Variants in GARNL3 observed in about 807,000 individuals in gnomAD.
The protein encoded by GARNL3 is GTPase-activating Rap/Ran-GAP domain-like protein 3.
A neutral mutation model predicts 125.0 loss-of-function variants in GARNL3; 63 were observed. The observed-to-expected ratio is 0.50, with a 90% CI of 0.41 to 0.62. GARNL3 has a LOEUF of 0.62. GARNL3 is among the 20% of genes least tolerant of loss of function. GARNL3 has a pLI of 0.00. For missense variants in GARNL3, 994 were observed against 1,244.0 expected, an observed-to-expected ratio of 0.80 and a Z score of 3.02; for synonymous variants, 439 against 457.5, an observed-to-expected ratio of 0.96 and a Z score of 0.52.
chr9:127,334,434 G>A (rs1364145295), intron 9 of GARNL3, among the ~76,000 whole-genome samples: 1 of 152,138 alleles, frequency 6.6e-6, no homozygotes, highest in Non-Finnish European at 1.5e-5. Flanking sequence ...ATGGCATCAC[G>A]GATTCTGAAT....
At chr9:127,293,156 T>C (rs1027771468) in intron 2 of GARNL3, among the ~76,000 whole-genome samples, 2 of 152,222 alleles carry the variant, frequency 1.3e-5, no homozygotes, top group African/African-American at 4.8e-5. Context: ...ATAAAAGACC[T>C]TGTGGGCACT....
Position 127,264,847 on chromosome 9 carries a change from CA to C in GARNL3, c.-29del. The C allele has an allele frequency of 6.5e-7, 1 of 1,528,602 alleles. No homozygotes were observed. Among genetic ancestry groups the C allele is most frequent in the Admixed American group, 1.9e-5 (1 of 53,734 alleles). The allele number at this position is 1,528,602 out of a possible 1,614,324, so 94.7% of individuals were successfully genotyped here. On this transcript the variant is annotated 5_prime_UTR_variant, in exon 1 of 28. Coordinates refer to ENST00000373387, the MANE Select transcript of GARNL3 (RefSeq NM_032293.5). The stretch of plus-strand genomic sequence containing the variant: ...CCTGCAGTGAGGAGCCGGGGCACTG[CA>C]AGTCTGTTCCATAGCAGCCCTTTTT...
intron 22 of GARNL3, among the ~76,000 whole-genome samples, chr9:127,365,593 G>C (rs1831244880): frequency 6.6e-6 from 1 of 152,168 alleles, no homozygotes; most frequent in South Asian, 2.1e-4. Context: ...GCTATCTCCA[G>C]GATGCGCCAG....
At chr9:127,341,369 T>G (rs1018246232) in intron 13 of GARNL3, among the ~76,000 whole-genome samples, 4 of 152,202 alleles carry the variant, frequency 2.6e-5, no homozygotes, top group African/African-American at 9.6e-5. Flanking sequence ...GTGACACACT[T>G]GAGAGCATGT....
At chr9:127,323,860 G>A (rs922472283) in intron 6 of GARNL3, among the ~76,000 whole-genome samples, 5 of 152,146 alleles carry the variant, frequency 3.3e-5, no homozygotes, top group Non-Finnish European at 7.4e-5. Context: ...GTAAACCATG[G>A]AAAGAGAGAA....
rs147943738 is a variant in GARNL3, at chr9:127,349,033, A to G, written c.1541A>G (p.Asp514Gly). 1.9e-6 allele frequency: 3 copies of G among 1,601,720 alleles called. No homozygotes were observed. The highest frequency in any genetic ancestry group is 2.6e-6 in the Non-Finnish European group (3 of 1,168,764). ...VSTDAGVLLV[D>G]DDLPSVPVFD... Reference sequence around the variant, plus strand: ...ACTGATGCTGGCGTCTTGCTAGTGGATGGTTAGTGAGTAGCTGCTCCTACA... The same window carrying G: ...ACTGATGCTGGCGTCTTGCTAGTGGGTGGTTAGTGAGTAGCTGCTCCTACA... Residue 514 changes from aspartate to glycine, a missense_variant and splice_region_variant, in exon 17 of 28, where the codon GAT becomes GGT. By Grantham distance (94) the Asp-to-Gly change is moderately conservative. Transcript: ENST00000373387.
intron 1 of GARNL3, among the ~76,000 whole-genome samples, chr9:127,231,096 C>T (rs2063006265): frequency 7.7e-6 from 1 of 130,064 alleles, no homozygotes; most frequent in African/African-American, 3.1e-5. Flanking sequence ...GCTTTGTCAC[C>T]CAGGCTGGAG....
chr9:127,320,763 T>C lies in GARNL3; in HGVS notation c.552T>C (p.His184=). 1 of 1,608,814 alleles carries C rather than the reference T, an allele frequency of 6.2e-7. No individual in the cohort carries two copies. Among genetic ancestry groups the C allele is most frequent in the Non-Finnish European group, 8.5e-7 (1 of 1,175,344 alleles). ...AGAAAGGCCCCAGGGAAATTTTTCA[T>C]CCTGAAATACAAAAGGTAACAGAAA... is the stretch of plus-strand genomic sequence containing the variant. ...KFEKGPREIF[H]PEIQKDLLVL... is the part of the protein sequence containing the mutation. The change falls in exon 6 of 28, where the codon CAT becomes CAC. Residue 184 remains histidine, a synonymous_variant. Coordinates refer to ENST00000373387, the MANE Select transcript of GARNL3 (RefSeq NM_032293.5).
At chr9:127,356,796 A>G (rs1165853344) in intron 20 of GARNL3, among the ~76,000 whole-genome samples, 4 of 152,222 alleles carry the variant, frequency 2.6e-5, no homozygotes, top group African/African-American at 9.6e-5. Context: ...CTCATCTGTA[A>G]GACAGAATAG....
intron 4 of GARNL3, among the ~76,000 whole-genome samples, chr9:127,313,802 A>C (rs908127779): frequency 6.6e-6 from 1 of 152,034 alleles, no homozygotes; most frequent in Non-Finnish European, 1.5e-5. Flanking sequence ...ACCGCATTCT[A>C]GTCTCTTCTG....
At chr9:127,265,723 T>C (rs371009646) in intron 1 of GARNL3, among the ~76,000 whole-genome samples, 3 of 152,342 alleles carry the variant, frequency 2.0e-5, no homozygotes, top group Non-Finnish European at 2.9e-5. Context: ...TAAAATTATA[T>C]TGATTATTAT....
chr9:127,277,741 C>T (rs1232032038), intron 1 of GARNL3, among the ~76,000 whole-genome samples: 3 of 152,010 alleles, frequency 2.0e-5, no homozygotes, highest in Non-Finnish European at 4.4e-5. Flanking sequence ...ACTTTTTCAT[C>T]GTTCTAGAAT....
At chr9:127,351,376 G>T (rs1171497505) in intron 17 of GARNL3, among the ~76,000 whole-genome samples, 2 of 151,896 alleles carry the variant, frequency 1.3e-5, no homozygotes, top group African/African-American at 4.8e-5. Flanking sequence ...CAACAGGATG[G>T]TGGGTGTAGC....
At chr9:127,231,337 G>C (rs1488646994) in intron 1 of GARNL3, among the ~76,000 whole-genome samples, 1 of 149,884 alleles carries the variant, frequency 6.7e-6, no homozygotes, top group Non-Finnish European at 1.5e-5. Context: ...CTCCCAACGT[G>C]CTGGGATTAC....
chr9:127,248,702 G>A (rs772552093), intron 2 of GARNL3, among the ~76,000 whole-genome samples: 32 of 141,430 alleles, frequency 2.3e-4, no homozygotes, highest in Non-Finnish European at 4.0e-4. Flanking sequence ...CCATTTCCTG[G>A]GCTCAAGTGA....
intron 26 of GARNL3, 38 bp downstream of exon 26, chr9:127,389,157 C>T: frequency 4.9e-6 from 7 of 1,429,384 alleles, no homozygotes; most frequent in Non-Finnish European, 6.9e-6. Flanking sequence ...TGTCTGTGAA[C>T]AGACCAGCTG....
intron 22 of GARNL3, among the ~76,000 whole-genome samples, chr9:127,375,413 C>G (rs1831843499): frequency 6.6e-6 from 1 of 150,818 alleles, no homozygotes; most frequent in Admixed American, 6.6e-5. Flanking sequence ...TTGCAGTGAG[C>G]CAAGATCGCG....
In GARNL3 at chr9:127,242,980, A is replaced by G. The variant is rs1262233594; in HGVS notation, c.-28-99A>G. On this transcript the variant is annotated intron_variant, in intron 1 of 10. Transcript: ENST00000439286. The surrounding 1 kb of genome is among the most constrained non-coding windows in gnomAD (Gnocchi z 4.6). The stretch of plus-strand genomic sequence containing the variant: ...TTCAGTGTCACCCTCCTCCTTGCTT[A>G]CCAGCGGGGCTGCCTTTGGGAGGAG... 1 of 1,069,526 alleles carries G rather than the reference A, an allele frequency of 9.3e-7. No homozygotes were observed. Among genetic ancestry groups the G allele is most frequent in the Non-Finnish European group, 1.2e-6 (1 of 813,856 alleles). 66.3% of individuals were successfully genotyped at this position (1,069,526 alleles called of 1,614,324 possible).
At position 127,383,588 on chromosome 9, in the gene GARNL3, A is replaced by G. The variant is rs1832387082; in HGVS notation, c.2269+43A>G. The G allele has an allele frequency of 1.2e-5, 16 of 1,322,284 alleles. No individual in the cohort carries two copies. The East Asian group carries it at 3.5e-4, about 29-fold the overall frequency. The allele number at this position is 1,322,284 out of a possible 1,614,324, so 81.9% of individuals were successfully genotyped here. A position where few individuals can be genotyped will look rare whatever the true frequency, so the allele number is the denominator to read the frequency against. On this transcript the variant is annotated intron_variant, in intron 23 of 27. Transcript: ENST00000373387. ...CATAATGCTTTTCTCCTTCATGGAT[A>G]TGTCTGAACTATTGTAAGCAAATCC...
Sources: allele counts gnomAD v4.1 joint callset (sites outside exome capture counted in the v4.1 genomes callset), GRCh38; gene constraint gnomAD v4.1.1; non-coding constraint Gnocchi (gnomAD v3.1); transcripts MANE v1.5; gene names NCBI Gene and HGNC (gene_info 2026-07-23, HGNC 2026-07-21).